TMEM132B: variants seen among roughly 807,000 people sequenced by gnomAD.
TMEM132B encodes the protein transmembrane protein 132B.
Under a neutral mutation model 90.8 loss-of-function variants are expected in TMEM132B, and 18 were observed. The observed-to-expected ratio is 0.20, with a 90% CI of 0.14 to 0.29. TMEM132B has a LOEUF of 0.29. TMEM132B is among the 10% of genes least tolerant of loss of function. TMEM132B has a pLI of 1.00. For missense variants in TMEM132B, 1,096 were observed against 1,326.8 expected (o/e 0.83, Z 2.70); for synonymous variants, 504 against 523.3 (o/e 0.96, Z 0.50).
intron 2 of TMEM132B, among the ~76,000 whole-genome samples, chr12:125,371,815 G>T (rs916868151): frequency 1.3e-5 from 2 of 152,114 alleles, no homozygotes; most frequent in African/African-American, 4.8e-5. Flanking sequence ...TGATCTTTTC[G>T]TCTTCACTAG....
chr12:125,401,189 C>T (rs552525011), intron 2 of TMEM132B, among the ~76,000 whole-genome samples: 5 of 152,258 alleles, frequency 3.3e-5, no homozygotes, highest in South Asian at 2.1e-4. Context: ...CATCCAGAGA[C>T]GGATGACACC....
At chr12:125,523,806 C>T (rs1883373250) in intron 4 of TMEM132B, among the ~76,000 whole-genome samples, 1 of 152,354 alleles carries the variant, frequency 6.6e-6, no homozygotes, top group Non-Finnish European at 1.5e-5. Flanking sequence ...CCATGTCACT[C>T]TAGCACCTCT....
chr12:125,570,672 T>C (rs763753765), intron 4 of TMEM132B, among the ~76,000 whole-genome samples: 1 of 152,250 alleles, frequency 6.6e-6, no homozygotes, highest in South Asian at 2.1e-4. Context: ...GGGAGCTGGC[T>C]GATTTCAGCG....
At chr12:125,524,285 A>G (rs1486788190) in intron 4 of TMEM132B, among the ~76,000 whole-genome samples, 1 of 152,268 alleles carries the variant, frequency 6.6e-6, no homozygotes, top group Non-Finnish European at 1.5e-5. Flanking sequence ...AATGTCCCAG[A>G]TAGGGCACTG....
rs527855714 is a variant in TMEM132B, at chr12:125,453,119, T to C, written c.1106+37442T>C. Reference sequence around the variant, plus strand: ...CACACACACACACACACACACATAATCCAACACTTAAATTTTTTTAATTCA... The same window carrying C: ...CACACACACACACACACACACATAACCCAACACTTAAATTTTTTTAATTCA... On this transcript the variant is annotated intron_variant, in intron 3 of 8. Transcript: ENST00000682704. Among the ~76,000 whole-genome samples, 138 of 146,310 alleles carry C rather than the reference T, an allele frequency of 9.4e-4. 2 individuals are homozygous for C. The South Asian group carries it at 0.028, about 29-fold the overall frequency.
intron 1 of TMEM132B, among the ~76,000 whole-genome samples, chr12:125,207,891 A>G (rs1873219692): frequency 6.6e-6 from 1 of 152,226 alleles, no homozygotes; most frequent in African/African-American, 2.4e-5. Context: ...CATGTGCTAG[A>G]ATTTCCTCCC....
chr12:125,454,684 T>C (rs1120575), intron 3 of TMEM132B, among the ~76,000 whole-genome samples: 47,689 of 152,142 alleles, frequency 0.31, 7,663 homozygotes, highest in East Asian at 0.52. Flanking sequence ...ATAGAAACCA[T>C]TCCATTCTGG....
rs138480600 is a variant in TMEM132B, at chr12:125,279,867, G to C, written c.68-69585G>C. ...TCAGAGTCCCTGCCTTGATGAAGAT[G>C]ATAATGATACATGTATCAGTGATTA... On this transcript the variant is annotated intron_variant, in intron 1 of 8. Coordinates refer to ENST00000682704, the MANE Select transcript of TMEM132B (RefSeq NM_001366854.1). Among the ~76,000 whole-genome samples, 1,003 of 152,300 alleles carry C rather than the reference G, an allele frequency of 6.6e-3. 5 individuals are homozygous for C. The highest frequency in any genetic ancestry group is 0.017 in the Middle Eastern group (5 of 294).
At chr12:125,387,215 C>T (rs1483239011) in intron 2 of TMEM132B, among the ~76,000 whole-genome samples, 1 of 151,974 alleles carries the variant, frequency 6.6e-6, no homozygotes, top group Non-Finnish European at 1.5e-5. Context: ...AGTCTCTCTT[C>T]TGAAAAAAGG....
intron 1 of TMEM132B, among the ~76,000 whole-genome samples, chr12:125,268,708 G>C (rs866993645): frequency 2.6e-5 from 4 of 152,188 alleles, no homozygotes; most frequent in African/African-American, 9.7e-5. Context: ...TTGAGTGTAA[G>C]ACAGAAGGGA....
chr12:125,506,176 C>A (rs1484105375), intron 3 of TMEM132B, among the ~76,000 whole-genome samples: 1 of 152,188 alleles, frequency 6.6e-6, no homozygotes, highest in African/African-American at 2.4e-5. Flanking sequence ...CAACAGAATC[C>A]TACCCAGTTA....
At chr12:125,247,566 C>A (rs1248375360) in intron 1 of TMEM132B, among the ~76,000 whole-genome samples, 1 of 152,202 alleles carries the variant, frequency 6.6e-6, no homozygotes, top group Non-Finnish European at 1.5e-5. Context: ...GCTGACATAT[C>A]TTGGCCCCAG....
intron 1 of TMEM132B, among the ~76,000 whole-genome samples, chr12:125,230,876 A>C (rs1246932436): frequency 6.6e-6 from 1 of 151,564 alleles, no homozygotes; most frequent in Non-Finnish European, 1.5e-5. Flanking sequence ...ATAAAGGTGA[A>C]TCTCTCTTGG....
intron 2 of TMEM132B, among the ~76,000 whole-genome samples, chr12:125,367,911 T>C (rs1006505444): frequency 7.2e-5 from 11 of 152,182 alleles, no homozygotes; most frequent in African/African-American, 2.7e-4. Flanking sequence ...CTTAGTTTTT[T>C]TCTTTATTCC....
intron 3 of TMEM132B, among the ~76,000 whole-genome samples, chr12:125,471,446 A>T (rs1237137498): frequency 6.6e-6 from 1 of 152,228 alleles, no homozygotes; most frequent in South Asian, 2.1e-4. Flanking sequence ...TCCTTCTGGC[A>T]GTGAGCATTT....
At chr12:125,235,755 C>G (rs1323115356) in intron 1 of TMEM132B, among the ~76,000 whole-genome samples, 2 of 149,448 alleles carry the variant, frequency 1.3e-5, no homozygotes, top group African/African-American at 4.9e-5. Flanking sequence ...CATAACATAA[C>G]AGTTTTGAGG....
chr12:125,624,967 A>G (rs1384626655), intron 5 of TMEM132B, among the ~76,000 whole-genome samples: 2 of 152,118 alleles, frequency 1.3e-5, no homozygotes, highest in Non-Finnish European at 2.9e-5. Flanking sequence ...CCCGAAGAAC[A>G]GTTCTGTCGC....
At chr12:125,379,594 AATG>A (rs1322589643) in intron 2 of TMEM132B, among the ~76,000 whole-genome samples, 13 of 152,218 alleles carry the variant, frequency 8.5e-5, no homozygotes, top group Non-Finnish European at 1.6e-4. Context: ...TGAACTGTAG[AATG>A]ATAAGACAAT....
At chr12:125,250,190 A>T (rs1413723039) in intron 1 of TMEM132B, among the ~76,000 whole-genome samples, 1 of 152,200 alleles carries the variant, frequency 6.6e-6, no homozygotes, top group Non-Finnish European at 1.5e-5. Flanking sequence ...TGGGCGGCAC[A>T]CCCCAGTGCC....
Sources: allele counts gnomAD v4.1 joint callset (sites outside exome capture counted in the v4.1 genomes callset), GRCh38; gene constraint gnomAD v4.1.1; transcripts MANE v1.5; gene names NCBI Gene and HGNC (gene_info 2026-07-23, HGNC 2026-07-21).